STAC3: variants seen among roughly 807,000 people sequenced by gnomAD.
The protein encoded by STAC3 is SH3 and cysteine-rich domain-containing protein 3.
A neutral mutation model predicts 48.5 loss-of-function variants in STAC3; 30 were observed. That is an observed-to-expected ratio of 0.62 (90% CI 0.46 to 0.84). The LOEUF (loss-of-function observed/expected upper bound fraction) is 0.84. Among genes scored for constraint, STAC3 ranks in the 40% least tolerant of loss-of-function variants. STAC3 has a pLI of 0.00. For synonymous variants in STAC3, 144 were observed against 158.6 expected, an observed-to-expected ratio of 0.91 and a Z score of 0.69; for missense variants, 419 against 462.6, an observed-to-expected ratio of 0.91 and a Z score of 0.86.
chr12:57,248,907 G>A lies in STAC3; in HGVS notation c.335-104C>T, dbSNP rs969425026. The A allele has an allele frequency of 9.8e-6, 15 of 1,527,586 alleles. No homozygotes were observed. The African/African-American group carries it at 2.1e-4, about 21-fold the overall frequency. 94.6% of individuals were successfully genotyped at this position (1,527,586 alleles called of 1,614,324 possible). Reference sequence around the variant, plus strand: ...TCCTTTTCTGTCTGGGACCCTACTTGCTCAATCTCTAATAGCATTGCCTTA... The same window carrying A: ...TCCTTTTCTGTCTGGGACCCTACTTACTCAATCTCTAATAGCATTGCCTTA... On this transcript the variant is annotated intron_variant, in intron 3 of 11. Transcript: ENST00000332782.
In STAC3 at chr12:57,249,770, T is replaced by A. The variant is rs1476249651; in HGVS notation, c.-1-133A>T. 5.3e-6 allele frequency: 5 copies of A among 936,850 alleles called. No individual in the cohort carries two copies. The East Asian group carries it at 1.4e-4, about 25-fold the overall frequency. 58.0% of individuals were successfully genotyped at this position (936,850 alleles called of 1,614,324 possible). On this transcript the variant is annotated intron_variant, in intron 1 of 11. Coordinates refer to ENST00000332782, the MANE Select transcript of STAC3 (RefSeq NM_145064.3). ...TGATGAGAGATTTTGCTGTTGTTAC[T>A]GTTGAGATGGGGTCTCACTCTGTCA... is the stretch of plus-strand genomic sequence containing the variant.
chr12:57,244,866 G>A (rs748219152), intron 8 of STAC3, 50 bp downstream of exon 8: 43 of 1,604,490 alleles, frequency 2.7e-5, no homozygotes, highest in Non-Finnish European at 3.3e-5. Context: ...TGGTGTCAGA[G>A]CTGGGTTGGG....
At position 57,246,796 on chromosome 12, in the gene STAC3, G is replaced by GT. The variant is rs1281083768; in HGVS notation, c.603+7dup. ...GGGAGGGACCTCGTGGGGAGGTACA[G>GT]TGCTCACATTTTTCTTATCTGCCTG... On this transcript the variant is annotated splice_region_variant and intron_variant, in intron 6 of 11. Transcript: ENST00000332782. 1 of 1,612,906 alleles carries GT rather than the reference G, an allele frequency of 6.2e-7. No individual in the cohort carries two copies. The highest frequency in any genetic ancestry group is 1.1e-5 in the South Asian group (1 of 91,072).
At chr12:57,249,850 G>A in intron 1 of STAC3, 1 of 490,340 alleles carries the variant, frequency 2.0e-6, no homozygotes, top group South Asian at 2.4e-5. Flanking sequence ...CGACCTCCCA[G>A]CCTGAAGCGA....
rs528573618 is a variant in STAC3 at position 57,245,618 on chromosome 12, C to A, written c.604-407G>T. Among the ~76,000 whole-genome samples the A allele has an allele frequency of 5.3e-5, 8 of 152,232 alleles. 1 individual carries two copies. In the South Asian group the frequency reaches 1.2e-3, roughly 24 times the overall value. ...ATCTCCTGACCTCGTGATCCACCAG[C>A]CTCGGCCTCCCAAAGTGCTGGGATT... On this transcript the variant is annotated intron_variant, in intron 6 of 11. Coordinates refer to ENST00000332782, the MANE Select transcript of STAC3 (RefSeq NM_145064.3).
In STAC3 at chr12:57,251,016, C is replaced by T. The variant is rs1477834074; in HGVS notation, c.-25G>A. 2.7e-6 allele frequency: 1 copy of T among 373,384 alleles called. No individual in the cohort carries two copies. Among genetic ancestry groups the T allele is most frequent in the East Asian group, 7.6e-5 (1 of 13,074 alleles). The allele number at this position is 373,384 out of a possible 1,614,324, so 23.1% of individuals were successfully genotyped here. A position where few individuals can be genotyped will look rare whatever the true frequency, so the allele number is the denominator to read the frequency against. On this transcript the variant is annotated 5_prime_UTR_variant, in exon 1 of 12. Coordinates refer to ENST00000332782, the MANE Select transcript of STAC3 (RefSeq NM_145064.3). ...ACGTTCGGGATTCCCTAAGTCAGTC[C>T]ACAGGCTGTAGAGGGAGCTGGGAGC...
chr12:57,249,647 G>T lies in STAC3; in HGVS notation c.-1-10C>A. The stretch of plus-strand genomic sequence containing the variant: ...CTCCTTTTCTGTCATCCTGCAAGAG[G>T]TTGGACCCCACTATGAAATCTAATC... On this transcript the variant is annotated splice_polypyrimidine_tract_variant and intron_variant, in intron 1 of 11. Coordinates refer to ENST00000332782, the MANE Select transcript of STAC3 (RefSeq NM_145064.3). 1.9e-6 allele frequency: 3 copies of T among 1,613,814 alleles called. No individual in the cohort carries two copies. Among genetic ancestry groups the T allele is most frequent in the East Asian group, 4.5e-5 (2 of 44,884 alleles).
At chr12:57,245,330 G>T in intron 6 of STAC3, 119 bp from the exon 7 acceptor site, 3 of 911,796 alleles carry the variant, frequency 3.3e-6, no homozygotes, top group Non-Finnish European at 3.3e-6. Context: ...GTTGGAAGAG[G>T]CCTTGGAGGA....
rs1297443697 is a variant in STAC3 at position 57,249,214 on chromosome 12, C to T, written c.161G>A (p.Gly54Glu). ...GTAGTAGATGGGCCCACCCCCAGCT[C>T]CCACTGCCTCCCCATTGGCCTGGGG... is the stretch of plus-strand genomic sequence containing the variant. ...PEPQANGEAV[G>E]AGGGPIYYIY... The change falls in exon 3 of 12, where the codon GGA becomes GAA. Residue 54 changes from glycine to glutamate, a missense_variant. Physicochemically the swap from Gly to Glu is moderately conservative, Grantham distance 98. Coordinates refer to ENST00000332782, the MANE Select transcript of STAC3 (RefSeq NM_145064.3). 1 of 1,614,004 alleles carries T rather than the reference C, an allele frequency of 6.2e-7. No individual in the cohort carries two copies. Among genetic ancestry groups the T allele is most frequent in the African/African-American group, 1.3e-5 (1 of 74,902 alleles).
chr12:57,244,187 G>T lies in STAC3; in HGVS notation c.897C>A (p.Asn299Lys). 6.2e-7 allele frequency: 1 copy of T among 1,614,136 alleles called. No homozygotes were observed. The highest frequency in any genetic ancestry group is 8.5e-7 in the Non-Finnish European group (1 of 1,180,022). Residue 299 changes from asparagine to lysine, a missense_variant, in exon 11 of 12, where the codon AAC becomes AAA. Asn to Lys is a moderately conservative substitution (Grantham distance 94). Transcript: ENST00000332782. The stretch of plus-strand genomic sequence containing the variant: ...CTCCAGCCCGGACCCGAATGATGAA[G>T]TTTGGAGGGAAAAATCCGACCTTCT... ...IGEKVGFFPP[N>K]FIIRVRAGER...
In STAC3 at chr12:57,249,559, G is replaced by A; in HGVS notation, c.66+12C>T. ...AGCCCCCCACACCCAGTGGTCAGAG[G>A]CCCAGACTCACCCCACTTTGCCGAG... On this transcript the variant is annotated intron_variant, in intron 2 of 11. Coordinates refer to ENST00000332782, the MANE Select transcript of STAC3 (RefSeq NM_145064.3). The A allele has an allele frequency of 3.7e-6, 6 of 1,613,814 alleles. No individual in the cohort carries two copies. Among genetic ancestry groups the A allele is most frequent in the Non-Finnish European group, 5.1e-6 (6 of 1,179,932 alleles).
chr12:57,244,524 C>T lies in STAC3; in HGVS notation c.806+13G>A. 1 of 1,614,188 alleles carries T rather than the reference C, an allele frequency of 6.2e-7. No individual in the cohort carries two copies. Among genetic ancestry groups the T allele is most frequent in the Non-Finnish European group, 8.5e-7 (1 of 1,179,998 alleles). On this transcript the variant is annotated intron_variant, in intron 9 of 11. Coordinates refer to ENST00000332782, the MANE Select transcript of STAC3 (RefSeq NM_145064.3). Reference sequence around the variant, plus strand: ...ACTCCGCAGTACCAGCCCCCTGCCCCAAGGCCTCTCACGGGAAATCCAGAT... The same window carrying T: ...ACTCCGCAGTACCAGCCCCCTGCCCTAAGGCCTCTCACGGGAAATCCAGAT...
chr12:57,248,844 G>A (rs768887773), intron 3 of STAC3, 41 bp from the exon 4 acceptor site: 3 of 1,573,254 alleles, frequency 1.9e-6, no homozygotes, highest in Non-Finnish European at 2.6e-6. Context: ...GTTCCAGATT[G>A]CCCTTTCCCT....
chr12:57,248,358 G>T, intron 4 of STAC3, 160 bp from the exon 5 acceptor site: 1 of 651,394 alleles, frequency 1.5e-6, no homozygotes, highest in Non-Finnish European at 2.7e-6. Context: ...AGGGGTAGCT[G>T]GCTGGTGACA....
Position 57,248,759 on chromosome 12 carries a change from T to C in STAC3, c.379A>G (p.Ile127Val). Residue 127 changes from isoleucine to valine, a missense_variant, in exon 4 of 12, where the codon ATC (isoleucine) becomes GTC (valine). Ile to Val is a conservative substitution (Grantham distance 29). Coordinates refer to ENST00000332782, the MANE Select transcript of STAC3 (RefSeq NM_145064.3). ...ACATAGGACTGACAGTGTTCATGGA[T>C]GTTGGTTTTGCAGTTCTTACAGCGA... ...GLRCKNCKTN[I>V]HEHCQSYVEM... The C allele has an allele frequency of 6.2e-7, 1 of 1,614,208 alleles. No homozygotes were observed.
chr12:57,244,677 G>A, intron 8 of STAC3, 55 bp from the exon 9 acceptor site: 3 of 1,593,828 alleles, frequency 1.9e-6, no homozygotes, highest in Non-Finnish European at 2.6e-6. Flanking sequence ...ACACTGAGGG[G>A]CAGGATTCCA....
In STAC3 at chr12:57,248,782, C is replaced by T. The variant is rs759018284; in HGVS notation, c.356G>A (p.Arg119His). 1.3e-5 allele frequency: 21 copies of T among 1,613,950 alleles called. No individual in the cohort carries two copies. The highest frequency in any genetic ancestry group is 6.7e-5 in the African/African-American group (5 of 74,906). ...GATGTTGGTTTTGCAGTTCTTACAG[C>T]GAAGCCCAAACTTGTTGTTGACTTG... Reference protein sequence around the residue: ...MIVLNNKFGLRCKNCKTNIHE... With the variant: ...MIVLNNKFGLHCKNCKTNIHE... The change falls in exon 4 of 12, where the codon CGC becomes CAC. Residue 119 changes from arginine to histidine, a missense_variant. Physicochemically the swap from Arg to His is conservative, Grantham distance 29 (BLOSUM62 0). Coordinates refer to ENST00000332782, the MANE Select transcript of STAC3 (RefSeq NM_145064.3).
At chr12:57,248,275 C>T in intron 4 of STAC3, 77 bp from the exon 5 acceptor site, 1 of 1,187,232 alleles carries the variant, frequency 8.4e-7, no homozygotes, top group Non-Finnish European at 1.3e-6. Context: ...GGAGTGCTCA[C>T]CCTTTCTCAG....
chr12:57,244,450 G>A, intron 9 of STAC3, 84 bp from the exon 10 acceptor site: 1 of 1,612,200 alleles, frequency 6.2e-7, no homozygotes, highest in Non-Finnish European at 8.5e-7. Flanking sequence ...TCCAAGCCCT[G>A]AGTCCCCCCT....
Sources: allele counts gnomAD v4.1 joint callset (sites outside exome capture counted in the v4.1 genomes callset), GRCh38; gene constraint gnomAD v4.1.1; transcripts MANE v1.5; gene names NCBI Gene and HGNC (gene_info 2026-07-23, HGNC 2026-07-21).